MUC15: variants seen among roughly 807,000 people sequenced by gnomAD.
MUC15 encodes mucin-15.
In MUC15, 23 loss-of-function variants were observed where a neutral mutation model predicts 24.0. The observed-to-expected ratio is 0.96, with a 90% CI of 0.69 to 1.36. The LOEUF is 1.36. Ranked by LOEUF, MUC15 falls within the 40% of genes most tolerant of loss-of-function variation. The pLI is 0.00. For missense variants in MUC15, 442 were observed against 428.2 expected (o/e 1.03, Z -0.29); for synonymous variants, 151 against 156.3 (o/e 0.97, Z 0.25).
chr11:26,563,168 C>T lies in MUC15; in HGVS notation c.873G>A (p.Arg291=). The change falls in exon 4 of 5, where the codon AGG becomes AGA. Residue 291 remains arginine (R), a synonymous_variant. Transcript: ENST00000529533. ...TLVGYLLCGK[R]KTDSFSHRRL... Reference sequence around the variant, plus strand: ...GCCGATGGGAAAATGAATCCGTTTTCCTTTTTCCACACAACAAGTAGCCCA... The same window carrying T: ...GCCGATGGGAAAATGAATCCGTTTTTCTTTTTCCACACAACAAGTAGCCCA... 6.2e-7 allele frequency: 1 copy of T among 1,612,368 alleles called. No individual in the cohort carries two copies. Among genetic ancestry groups the T allele is most frequent in the Non-Finnish European group, 8.5e-7 (1 of 1,178,904 alleles).
rs1850611469 is a variant in MUC15 at position 26,566,923 on chromosome 11, C to CT, written c.43+128dup. 4 of 805,890 alleles carry CT rather than the reference C, an allele frequency of 5.0e-6. No individual in the cohort carries two copies. In the South Asian group the frequency reaches 1.8e-4, roughly 35 times the overall value. The allele number at this position is 805,890 out of a possible 1,614,324, so 49.9% of individuals were successfully genotyped here. A position where few individuals can be genotyped will look rare whatever the true frequency, so the allele number is the denominator to read the frequency against. On this transcript the variant is annotated intron_variant, in intron 2 of 4. Transcript: ENST00000529533. ...ATGGGCTGACTTAGGTAGCAGCACT[C>CT]TAAACAAGATCTAGCCTAAAGTAAA... is the stretch of plus-strand genomic sequence containing the variant.
intron 3 of MUC15, among the ~76,000 whole-genome samples, chr11:26,564,750 T>C (rs1379621532): frequency 9.2e-5 from 6 of 65,312 alleles, no homozygotes; most frequent in East Asian, 4.9e-4. Context: ...TATATATATA[T>C]ATATATATAT....
In MUC15 at chr11:26,559,741, G is replaced by C. The variant is rs1850207074; in HGVS notation, c.*1324C>G. 2 of 1,611,948 alleles carry C rather than the reference G, an allele frequency of 1.2e-6. No homozygotes were observed. The highest frequency in any genetic ancestry group is 1.7e-6 in the Non-Finnish European group (2 of 1,178,610). Reference sequence around the variant, plus strand: ...CAGGTGACATATTTGTTCGATAATGGAGGGACAGTCTTCTTTGCTATTTTT... The same window carrying C: ...CAGGTGACATATTTGTTCGATAATGCAGGGACAGTCTTCTTTGCTATTTTT... On this transcript the variant is annotated 3_prime_UTR_variant, in exon 5 of 5. Coordinates refer to ENST00000529533, the MANE Select transcript of MUC15 (RefSeq NM_001135091.2).
intron 2 of MUC15, 70 bp from the exon 3 acceptor site, chr11:26,565,966 T>A (rs1850564528): frequency 3.0e-6 from 4 of 1,326,444 alleles, no homozygotes; most frequent in Admixed American, 2.9e-5. Context: ...GATCTATATA[T>A]TTTAAAGTGA....
Position 26,560,850 on chromosome 11 carries a change from C to A in MUC15, c.*215G>T. On this transcript the variant is annotated 3_prime_UTR_variant, in exon 5 of 5. Coordinates refer to ENST00000529533, the MANE Select transcript of MUC15 (RefSeq NM_001135091.2). ...ACTACTAAAATACAAATTAAGGCTACTTAGTAAATGCCTCAGGATGGCCAA... is the reference window on the plus strand; with the variant it reads ...ACTACTAAAATACAAATTAAGGCTAATTAGTAAATGCCTCAGGATGGCCAA... The A allele has an allele frequency of 2.3e-6, 1 of 437,196 alleles. No homozygotes were observed. The allele number at this position is 437,196 out of a possible 1,614,324, so 27.1% of individuals were successfully genotyped here. A position where few individuals can be genotyped will look rare whatever the true frequency, so the allele number is the denominator to read the frequency against.
In MUC15 at chr11:26,565,279, T is replaced by G; in HGVS notation, c.661A>C (p.Asn221His). ...GTAAACCCAGTGAAGCTATCACTGT[T>G]TGTGGTAAGCCATCCACTTGGTTCC... The part of the protein sequence containing the change: ...IVEPSGWLTT[N>H]SDSFTGFTPY... The change falls in exon 3 of 5, where the codon AAC becomes CAC. Residue 221 changes from asparagine (N) to histidine (H), a missense_variant. Transcript: ENST00000529533. 1 of 1,605,368 alleles carries G rather than the reference T, an allele frequency of 6.2e-7. No homozygotes were observed. The highest frequency in any genetic ancestry group is 1.7e-4 in the Middle Eastern group (1 of 5,986).
In MUC15 at chr11:26,560,807, AT is replaced by A; in HGVS notation, c.*257del. The A allele has an allele frequency of 3.0e-6, 1 of 336,090 alleles. No individual in the cohort carries two copies. 20.8% of individuals were successfully genotyped at this position (336,090 alleles called of 1,614,324 possible). ...TTTAGTTTTATCTGATTCCACAAAT[AT>A]TTTCTACTAAGAAAATACTACTAAA... is the stretch of plus-strand genomic sequence containing the variant. On this transcript the variant is annotated 3_prime_UTR_variant, in exon 5 of 5. Transcript: ENST00000529533.
At position 26,563,668 on chromosome 11, in the gene MUC15, A is replaced by G. The variant is rs1362143101; in HGVS notation, c.776-403T>C. Among the ~76,000 whole-genome samples the G allele has an allele frequency of 2.0e-5, 3 of 151,926 alleles. No individual in the cohort carries two copies. The South Asian group carries it at 6.2e-4, about 31-fold the overall frequency. On this transcript the variant is annotated intron_variant, in intron 3 of 4. Coordinates refer to ENST00000529533, the MANE Select transcript of MUC15 (RefSeq NM_001135091.2). ...TTGCACTTGTTTCTGTAAATAATTC[A>G]AAGGTTAAAAGCCAATAGGAGTAAG...
In MUC15 at chr11:26,565,617, CTGT is replaced by C; in HGVS notation, c.320_322del (p.Asn107del). The C allele has an allele frequency of 6.2e-7, 1 of 1,612,676 alleles. No homozygotes were observed. The highest frequency in any genetic ancestry group is 1.1e-5 in the South Asian group (1 of 91,048). On this transcript the variant is annotated inframe_deletion, in exon 3 of 5. Coordinates refer to ENST00000529533, the MANE Select transcript of MUC15 (RefSeq NM_001135091.2). Reference sequence around the variant, plus strand: ...ACTGGAGAAATCTGTTATTCCGTGGCTGTTGTTGGGTAGATTCAAAGGAGGGGA... The same window carrying C: ...ACTGGAGAAATCTGTTATTCCGTGGCTGTTGGGTAGATTCAAAGGAGGGGA...
In MUC15 at chr11:26,565,810, G is replaced by A; in HGVS notation, c.130C>T (p.Leu44Phe). ...TCTTTTCCATGGCTCCCCGATAGAAGTGAATAAAACAACGTTGAAATCAAC... is the reference window on the plus strand; with the variant it reads ...TCTTTTCCATGGCTCCCCGATAGAAATGAATAAAACAACGTTGAAATCAAC... Reference protein sequence around the residue: ...ILLISTLFYSLLSGSHGKENQ... With the variant: ...ILLISTLFYSFLSGSHGKENQ... The change falls in exon 3 of 5, where the codon CTT (leucine) becomes TTT (phenylalanine). Residue 44 changes from leucine (L) to phenylalanine (F), a missense_variant. Leu to Phe is a conservative substitution (Grantham distance 22, BLOSUM62 0). Transcript: ENST00000529533. 6.2e-7 allele frequency: 1 copy of A among 1,612,160 alleles called. No homozygotes were observed. Among genetic ancestry groups the A allele is most frequent in the East Asian group, 2.2e-5 (1 of 44,804 alleles).
intron 1 of MUC15, among the ~76,000 whole-genome samples, chr11:26,567,795 A>G (rs1850652653): frequency 6.6e-6 from 1 of 152,016 alleles, no homozygotes; most frequent in East Asian, 1.9e-4. Flanking sequence ...CAGATTGGAT[A>G]ATAAACTGTG....
At chr11:26,569,811 G>T (rs994748649) in intron 1 of MUC15, among the ~76,000 whole-genome samples, 15 of 152,088 alleles carry the variant, frequency 9.9e-5, no homozygotes, top group African/African-American at 2.7e-4. Context: ...GTATCCCTGA[G>T]TGCACCCAAG....
At position 26,572,223 on chromosome 11, in the gene MUC15, G is replaced by A. The variant is rs1003053695; in HGVS notation, c.-228C>T. On this transcript the variant is annotated 5_prime_UTR_variant, in exon 1 of 5. Coordinates refer to ENST00000529533, the MANE Select transcript of MUC15 (RefSeq NM_001135091.2). ...CTGTATCTTGCTTGTGTAACAGAGC[G>A]CCCAGGAACCTGACTGACCTGCTTC... The A allele has an allele frequency of 2.2e-5, 22 of 985,430 alleles. No individual in the cohort carries two copies. The highest frequency in any genetic ancestry group is 6.2e-5 in the Admixed American group (1 of 16,258). 61.0% of individuals were successfully genotyped at this position (985,430 alleles called of 1,614,324 possible).
At chr11:26,561,856 G>C (rs1850307390) in intron 4 of MUC15, among the ~76,000 whole-genome samples, 1 of 151,848 alleles carries the variant, frequency 6.6e-6, no homozygotes, top group Non-Finnish European at 1.5e-5. Flanking sequence ...AACTGGACAT[G>C]CTCTTGGTAT....
chr11:26,559,863 C>G lies in MUC15; in HGVS notation c.*1202G>C. 20 of 911,478 alleles carry G rather than the reference C, an allele frequency of 2.2e-5. No homozygotes were observed. Among genetic ancestry groups the G allele is most frequent in the Non-Finnish European group, 2.9e-5 (16 of 554,444 alleles). 56.5% of individuals were successfully genotyped at this position (911,478 alleles called of 1,614,324 possible). On this transcript the variant is annotated 3_prime_UTR_variant, in exon 5 of 5. Transcript: ENST00000529533. ...ACACACACACACACACACACACACA[C>G]ACACACACACACCATGAATCAATTC...
chr11:26,559,692 T>G lies in MUC15; in HGVS notation c.*1373A>C, dbSNP rs759545641. On this transcript the variant is annotated 3_prime_UTR_variant, in exon 5 of 5. Coordinates refer to ENST00000529533, the MANE Select transcript of MUC15 (RefSeq NM_001135091.2). ...GCTTATTATAATCAATTTGCATGAC[T>G]AATATTTCTGTTTGTTTTCTACTCA... 6.5e-7 allele frequency: 1 copy of G among 1,550,020 alleles called. No individual in the cohort carries two copies. The highest frequency in any genetic ancestry group is 8.9e-7 in the Non-Finnish European group (1 of 1,122,182).
At chr11:26,561,277 A>G (rs1390863814) in intron 4 of MUC15, 52 bp from the exon 5 acceptor site, 7 of 1,351,502 alleles carry the variant, frequency 5.2e-6, no homozygotes, top group Non-Finnish European at 7.0e-6. Flanking sequence ...TGAAAGATTC[A>G]TGTTCAGGCA....
chr11:26,563,891 C>T (rs12271124), intron 3 of MUC15, among the ~76,000 whole-genome samples: 67,383 of 151,556 alleles, frequency 0.44, 16,500 homozygotes, highest in Non-Finnish European at 0.52. Flanking sequence ...TCTTTTCACT[C>T]GGTATCTTAT....
At chr11:26,570,650 T>G (rs984320580) in intron 1 of MUC15, among the ~76,000 whole-genome samples, 3 of 152,128 alleles carry the variant, frequency 2.0e-5, no homozygotes, top group Admixed American at 2.0e-4. Flanking sequence ...GGCTGCCTTT[T>G]CTCCAAGTTG....
Sources: allele counts gnomAD v4.1 joint callset (sites outside exome capture counted in the v4.1 genomes callset), GRCh38; gene constraint gnomAD v4.1.1; transcripts MANE v1.5; gene names NCBI Gene and HGNC (gene_info 2026-07-23, HGNC 2026-07-21).